WDHD1: variants seen among roughly 807,000 people sequenced by gnomAD.
The protein encoded by WDHD1 is WD repeat and HMG-box DNA-binding protein 1.
WDHD1 carries 111 observed loss-of-function variants against 135.4 expected under a neutral mutation model. That is an observed-to-expected ratio of 0.82 (90% CI 0.70 to 0.96). The LOEUF is 0.96. WDHD1 is among the 40% of genes least tolerant of loss of function. WDHD1 has a pLI of 0.00. For synonymous variants in WDHD1, 434 were observed against 439.0 expected (o/e 0.99, Z 0.14); for missense variants, 1,351 against 1,336.3 (o/e 1.01, Z -0.17).
chr14:54,990,325 C>T (rs768206414), intron 12 of WDHD1, among the ~76,000 whole-genome samples: 6 of 151,994 alleles, frequency 3.9e-5, no homozygotes, highest in African/African-American at 1.4e-4. Flanking sequence ...AGGCCAGGCG[C>T]GGTGGCTCAC....
intron 11 of WDHD1, among the ~76,000 whole-genome samples, chr14:54,993,631 T>C (rs1214996147): frequency 3.3e-5 from 5 of 152,222 alleles, no homozygotes; most frequent in Non-Finnish European, 7.3e-5. Context: ...ATTTTCTTTA[T>C]ACACTTCAAA....
At chr14:54,966,396 T>C (rs2041345442) in intron 18 of WDHD1, 79 bp downstream of exon 18, 1 of 1,488,552 alleles carries the variant, frequency 6.7e-7, no homozygotes. Context: ...GACTTAGTCC[T>C]AATGCACAGA....
chr14:55,014,656 C>G (rs1009845251), intron 2 of WDHD1, among the ~76,000 whole-genome samples: 7 of 150,106 alleles, frequency 4.7e-5, no homozygotes, highest in African/African-American at 1.7e-4. Context: ...AGTATGTGCC[C>G]TATCTACACA....
Position 54,942,329 on chromosome 14 carries a change from T to C in WDHD1, c.3190-639A>G, listed in dbSNP as rs186596570. Among the ~76,000 whole-genome samples the C allele has an allele frequency of 7.1e-4, 108 of 152,232 alleles. No homozygotes were observed. In the East Asian group the frequency reaches 0.019, roughly 27 times the overall value. ...AAGATAATTGCAGTTTCACATGCAG[T>C]TGTATGAAATAATACAGAAAGATCC... On this transcript the variant is annotated intron_variant, in intron 25 of 25. Coordinates refer to ENST00000360586, the MANE Select transcript of WDHD1 (RefSeq NM_007086.4).
rs139751226 is a variant in WDHD1, at chr14:54,963,078, C to T, written c.2405G>A (p.Arg802His). The change falls in exon 19 of 26, where the codon CGC (arginine) becomes CAC (histidine). Residue 802 changes from arginine to histidine, a missense_variant. By Grantham distance (29) the Arg-to-His change is conservative (BLOSUM62 0). This residue lies in a region of WDHD1 where 1,330 missense variants were observed against 1,296.1 expected (regional missense o/e 1.03). Coordinates refer to ENST00000360586, the MANE Select transcript of WDHD1 (RefSeq NM_007086.4). ...AVNLAIKYASRSRKLILAQKL... is the reference protein window; with the variant it reads ...AVNLAIKYASHSRKLILAQKL... The stretch of plus-strand genomic sequence containing the variant: ...TTGAGCCAGTATTAATTTCCGAGAG[C>T]GAGAAGCATATTTAATGGCTAAATT... 84 of 1,605,662 alleles carry T rather than the reference C, an allele frequency of 5.2e-5. No homozygotes were observed. The highest frequency in any genetic ancestry group is 6.4e-5 in the Non-Finnish European group (75 of 1,177,714).
rs1256648578 is a variant in WDHD1, at chr14:55,000,591, C to A, written c.854G>T (p.Cys285Phe). 1.2e-6 allele frequency: 2 copies of A among 1,605,364 alleles called. No homozygotes were observed. Among genetic ancestry groups the A allele is most frequent in the Non-Finnish European group, 1.7e-6 (2 of 1,175,610 alleles). ...AICGLAWHPT[C>F]GRISYTDAEG... ...CGCATCAGTATACGATATTCGACCA[C>A]AAGTAGGATGCCATGCCAGACCACA... The change falls in exon 10 of 26, where the codon TGT (cysteine) becomes TTT (phenylalanine). Residue 285 changes from cysteine (C) to phenylalanine (F), a missense_variant. Transcript: ENST00000360586.
chr14:54,998,189 A>G (rs2041917363), intron 10 of WDHD1, among the ~76,000 whole-genome samples: 1 of 147,824 alleles, frequency 6.8e-6, no homozygotes, highest in African/African-American at 2.6e-5. Context: ...TGGGCAACAG[A>G]AGGAGACTTT....
At chr14:54,985,697 G>A (rs1377002729) in intron 14 of WDHD1, among the ~76,000 whole-genome samples, 1 of 152,196 alleles carries the variant, frequency 6.6e-6, no homozygotes, top group Non-Finnish European at 1.5e-5. Flanking sequence ...TAAAAGACTA[G>A]TTAGGAGGCT....
Position 54,987,269 on chromosome 14 carries a change from T to G in WDHD1, c.1645A>C (p.Thr549Pro). The change falls in exon 14 of 26, where the codon ACT becomes CCT. Residue 549 changes from threonine (T) to proline (P), a missense_variant. Physicochemically the swap from Thr to Pro is conservative, Grantham distance 38. Around this residue, in one of 2 missense-constraint regions of WDHD1, gnomAD observed 1,330 missense variants for 1,296.1 expected, o/e 1.03. Transcript: ENST00000360586. Reference protein sequence around the residue: ...CLGQGWAAAATSALLLRLFTI... With the variant: ...CLGQGWAAAAPSALLLRLFTI... ...AACAATCGAAGAAGCAGGGCACTAG[T>G]AGCGGCAGCAGCCCATCCTTGACCG... The G allele has an allele frequency of 6.2e-7, 1 of 1,614,130 alleles. No homozygotes were observed. The highest frequency in any genetic ancestry group is 8.5e-7 in the Non-Finnish European group (1 of 1,180,022).
chr14:54,989,495 T>A (rs1177058428), intron 12 of WDHD1, among the ~76,000 whole-genome samples: 1 of 152,164 alleles, frequency 6.6e-6, no homozygotes, highest in African/African-American at 2.4e-5. Flanking sequence ...ACATGACTGT[T>A]ACTTTAAAAG....
intron 2 of WDHD1, among the ~76,000 whole-genome samples, chr14:55,026,407 AAGTAGGC>A (rs2140238035): frequency 6.6e-6 from 1 of 152,346 alleles, no homozygotes; most frequent in South Asian, 2.1e-4. Context: ...TGAATTTGAC[AAGTAGGC>A]AGTAACTAGT....
Position 54,969,033 on chromosome 14 carries a change from CTATT to C in WDHD1, c.2064-1643_2064-1640del, listed in dbSNP as rs200561268. ...CTCCAGCCTAGGTAAGACCTTGTTT[CTATT>C]TATTTATTTATTTATTTTTGAGACG... On this transcript the variant is annotated intron_variant, in intron 16 of 25. Transcript: ENST00000360586. Among the ~76,000 whole-genome samples, 7 of 151,732 alleles carry C rather than the reference CTATT, an allele frequency of 4.6e-5. No homozygotes were observed. In the South Asian group the frequency reaches 1.5e-3, roughly 32 times the overall value.
chr14:54,942,711 A>C (rs1039998521), intron 25 of WDHD1, among the ~76,000 whole-genome samples: 1 of 152,138 alleles, frequency 6.6e-6, no homozygotes, highest in Non-Finnish European at 1.5e-5. Flanking sequence ...CTGTCTCTAA[A>C]ATCTCTTTTA....
chr14:54,986,290 G>A (rs1467825727), intron 14 of WDHD1, among the ~76,000 whole-genome samples: 1 of 152,140 alleles, frequency 6.6e-6, no homozygotes, highest in Non-Finnish European at 1.5e-5. Context: ...TACATTTGCA[G>A]ATATTTATAG....
At chr14:55,002,308 T>C in intron 7 of WDHD1, 123 bp from the exon 8 acceptor site, 2 of 709,630 alleles carry the variant, frequency 2.8e-6, no homozygotes, top group South Asian at 2.0e-5. Flanking sequence ...TTTTTATTGT[T>C]TCTGTTTTTA....
intron 3 of WDHD1, among the ~76,000 whole-genome samples, chr14:55,011,807 C>T (rs1378538549): frequency 6.6e-6 from 1 of 151,780 alleles, no homozygotes; most frequent in African/African-American, 2.4e-5. Flanking sequence ...TTTATAATGG[C>T]TGCATAGTAT....
chr14:54,949,526 T>A (rs150892007), intron 24 of WDHD1, among the ~76,000 whole-genome samples: 7 of 152,252 alleles, frequency 4.6e-5, no homozygotes, highest in African/African-American at 1.7e-4. Flanking sequence ...CTACGTTTGT[T>A]TGGTGTACCT....
chr14:54,995,545 T>C (rs2041863412), intron 11 of WDHD1, 58 bp downstream of exon 11: 1 of 1,342,186 alleles, frequency 7.5e-7, no homozygotes, highest in South Asian at 1.7e-5. Flanking sequence ...ATAGTGTTAA[T>C]AAAAAATCTA....
At chr14:55,012,022 T>C (rs1253887473) in intron 3 of WDHD1, among the ~76,000 whole-genome samples, 2 of 152,136 alleles carry the variant, frequency 1.3e-5, no homozygotes, top group Non-Finnish European at 1.5e-5. Context: ...TTCTCACTTA[T>C]GTATCCAGCC....
Sources: gnomAD v4.1 joint callset for allele counts (sites outside exome capture counted in the v4.1 genomes callset) on GRCh38, gnomAD v4.1.1 for gene constraint, gnomAD v4.1.1 regional missense constraint, MANE v1.5 for transcripts, NCBI Gene and HGNC (gene_info 2026-07-23, HGNC 2026-07-21) for gene names.